Variants in CENPE observed in about 807,000 individuals in gnomAD.
The protein encoded by CENPE is centromere protein E.
CENPE carries 145 observed loss-of-function variants against 336.1 expected under a neutral mutation model. The ratio of observed to expected loss-of-function variants is 0.43; its 90% confidence interval spans 0.38 to 0.50. The LOEUF (loss-of-function observed/expected upper bound fraction) is 0.50. Among genes scored for constraint, CENPE ranks in the 20% least tolerant of loss-of-function variants. CENPE has a pLI of 0.00. For missense variants in CENPE, 2,719 were observed against 3,023.3 expected, an observed-to-expected ratio of 0.90 and a Z score of 2.36; for synonymous variants, 1,013 against 984.8, an observed-to-expected ratio of 1.03 and a Z score of -0.54.
intron 25 of CENPE, 79 bp downstream of exon 25, chr4:103,152,968 A>G (rs1341973760): frequency 3.2e-5 from 32 of 1,011,622 alleles, no homozygotes; most frequent in Non-Finnish European, 4.4e-5. Context: ...TATATAAATT[A>G]TACCTCAATA....
intron 42 of CENPE, among the ~76,000 whole-genome samples, chr4:103,131,711 T>C (rs1337157591): frequency 1.3e-5 from 2 of 152,172 alleles, no homozygotes; most frequent in Admixed American, 1.3e-4. Context: ...CAAAATATCC[T>C]TTGGTAGGTA....
intron 28 of CENPE, 88 bp downstream of exon 28, chr4:103,148,756 C>T: frequency 1.6e-6 from 2 of 1,228,352 alleles, no homozygotes; most frequent in South Asian, 2.8e-5. Flanking sequence ...TAATGAACCA[C>T]ATCCTAGCTA....
At chr4:103,141,196 G>A in intron 35 of CENPE, 92 bp from the exon 36 acceptor site, 1 of 743,158 alleles carries the variant, frequency 1.3e-6, no homozygotes, top group Non-Finnish European at 2.2e-6. Context: ...GTCTACCCAT[G>A]TTACTCTCAC....
chr4:103,132,610 C>T (rs895241411), intron 42 of CENPE, 83 bp downstream of exon 42: 17 of 573,778 alleles, frequency 3.0e-5, no homozygotes, highest in Admixed American at 6.9e-5. Context: ...AGAAAATATA[C>T]ATAAGTTGCC....
intron 1 of CENPE, 54 bp downstream of exon 1, chr4:103,198,210 T>G: frequency 6.6e-7 from 1 of 1,526,670 alleles, no homozygotes; most frequent in East Asian, 2.5e-5. Context: ...CCCCTCCGGC[T>G]CAGGGCGGCG....
chr4:103,131,241 A>G (rs1266765953), intron 42 of CENPE, among the ~76,000 whole-genome samples: 1 of 152,212 alleles, frequency 6.6e-6, no homozygotes, highest in Admixed American at 6.5e-5. Context: ...TTAAACCTTA[A>G]CAATGAGAAA....
At chr4:103,119,749 C>A (rs750967891) in intron 44 of CENPE, among the ~76,000 whole-genome samples, 14 of 152,138 alleles carry the variant, frequency 9.2e-5, no homozygotes, top group Non-Finnish European at 1.3e-4. Flanking sequence ...GTTCTTCCCC[C>A]CAAAACAGGT....
chr4:103,182,623 G>A, intron 11 of CENPE, 139 bp downstream of exon 11: 1 of 614,332 alleles, frequency 1.6e-6, no homozygotes. Context: ...ATTAAATTAA[G>A]AAATGCTATT....
chr4:103,137,575 A>G (rs1024952719), intron 39 of CENPE, among the ~76,000 whole-genome samples: 3 of 152,326 alleles, frequency 2.0e-5, no homozygotes, highest in Middle Eastern at 6.8e-3. Context: ...CATATTGAAC[A>G]CTGACTTATG....
rs781105121 is a variant in CENPE, at chr4:103,139,900, A to C, written c.6093T>G (p.Leu2031=). 4.3e-6 allele frequency: 7 copies of C among 1,613,360 alleles called. No individual in the cohort carries two copies. Among genetic ancestry groups the C allele is most frequent in the Non-Finnish European group, 5.1e-6 (6 of 1,179,636 alleles). ...FQLTKKLHES[L]EEIRIVAKER... is the part of the protein sequence containing the mutation. Reference sequence around the variant, plus strand: ...CTTTAGCTACAATTCTTATTTCTTCAAGGCTTTCATGAAGTTTCTTAGTCA... The same window carrying C: ...CTTTAGCTACAATTCTTATTTCTTCCAGGCTTTCATGAAGTTTCTTAGTCA... Residue 2031 remains leucine (L), a synonymous_variant, in exon 38 of 49, where the codon CTT becomes CTG. Coordinates refer to ENST00000265148, the MANE Select transcript of CENPE (RefSeq NM_001813.3).
chr4:103,125,690 C>T (rs899554301), intron 42 of CENPE, among the ~76,000 whole-genome samples: 5 of 151,536 alleles, frequency 3.3e-5, no homozygotes, highest in South Asian at 2.1e-4. Flanking sequence ...GGTGAAACCC[C>T]GTCTCTACTA....
Position 103,149,191 on chromosome 4 carries a change from A to G in CENPE, c.3614T>C (p.Leu1205Pro). Residue 1205 changes from leucine to proline, a missense_variant, in exon 27 of 49, where the codon CTA (leucine) becomes CCA (proline). Leu to Pro is a moderately conservative substitution (Grantham distance 98). Transcript: ENST00000265148. ...TTCAAATGACTTCTGTAATTCCTTT[A>G]GAACTTTTCTTTCTTTGGTTATAGA... is the stretch of plus-strand genomic sequence containing the variant. ...VKSITKERKVLKELQKSFETE... is the reference protein window; with the variant it reads ...VKSITKERKVPKELQKSFETE... The G allele has an allele frequency of 6.2e-7, 1 of 1,611,720 alleles. No individual in the cohort carries two copies. The highest frequency in any genetic ancestry group is 8.5e-7 in the Non-Finnish European group (1 of 1,179,654).
intron 8 of CENPE, 64 bp downstream of exon 8, chr4:103,194,165 C>G: frequency 8.1e-7 from 1 of 1,229,058 alleles, no homozygotes; most frequent in South Asian, 1.3e-5. Context: ...ACCAAACATC[C>G]AGCAACTAAA....
intron 13 of CENPE, among the ~76,000 whole-genome samples, chr4:103,177,928 A>G (rs999452594): frequency 6.6e-6 from 1 of 151,458 alleles, no homozygotes; most frequent in African/African-American, 2.4e-5. Context: ...CATAAACTAG[A>G]CCTCTTGCTC....
chr4:103,194,762 T>A, intron 5 of CENPE, 78 bp from the exon 6 acceptor site: 1 of 1,049,528 alleles, frequency 9.5e-7, no homozygotes, highest in Non-Finnish European at 1.4e-6. Context: ...TGCAAACTAT[T>A]ATAGAATTCA....
intron 46 of CENPE, among the ~76,000 whole-genome samples, chr4:103,112,349 GTA>G (rs1047063606): frequency 6.2e-5 from 9 of 144,978 alleles, no homozygotes; most frequent in Non-Finnish European, 9.0e-5. Flanking sequence ...TTATATATAA[GTA>G]TATATATGTA....
chr4:103,133,756 T>C lies in CENPE; in HGVS notation c.6659A>G (p.Asp2220Gly), dbSNP rs370305376. The change falls in exon 41 of 49, where the codon GAT (aspartate) becomes GGT (glycine). Residue 2220 changes from aspartate to glycine, a missense_variant. By Grantham distance (94) the Asp-to-Gly change is moderately conservative (BLOSUM62 -1). This residue lies in a region of CENPE where 2,437 missense variants were observed against 2,513.3 expected (regional missense o/e 0.97). Coordinates refer to ENST00000265148, the MANE Select transcript of CENPE (RefSeq NM_001813.3). ...IKIQHLQQDCDVPSRELRDLK... is the reference protein window; with the variant it reads ...IKIQHLQQDCGVPSRELRDLK... ...ATCCCTTAATTCTCTGGATGGTACA[T>C]CACAATCTTGTTGAAGGTGCTGTAT... 1.9e-6 allele frequency: 3 copies of C among 1,611,666 alleles called. No individual in the cohort carries two copies. In the African/African-American group the frequency reaches 4.0e-5, roughly 22 times the overall value.
chr4:103,138,229 GT>G (rs1220076549), intron 39 of CENPE, 121 bp downstream of exon 39: 2 of 704,376 alleles, frequency 2.8e-6, no homozygotes, highest in Admixed American at 4.4e-5. Flanking sequence ...AGATTACAAT[GT>G]TTAGAAAAAT....
intron 10 of CENPE, 96 bp from the exon 11 acceptor site, chr4:103,182,987 T>C: frequency 7.8e-7 from 1 of 1,274,444 alleles, no homozygotes; most frequent in Non-Finnish European, 1.1e-6. Context: ...TCAGCCAGAG[T>C]TTCAAAAATT....
Sources: allele counts gnomAD v4.1 joint callset (sites outside exome capture counted in the v4.1 genomes callset), GRCh38; gene constraint gnomAD v4.1.1; regional missense constraint gnomAD v4.1.1; transcripts MANE v1.5; gene names NCBI Gene and HGNC (gene_info 2026-07-23, HGNC 2026-07-21).